Variants in NEB observed in about 807,000 individuals in gnomAD.
The protein encoded by NEB is nebulin, also known as nemaline myopathy type 2.
Under a neutral mutation model 952.2 loss-of-function variants are expected in NEB, and 512 were observed. The observed-to-expected ratio is 0.54, with a 90% CI of 0.50 to 0.58. The LOEUF is 0.58. NEB is among the 20% of genes least tolerant of loss of function. NEB has a pLI of 0.00. For synonymous variants in NEB, 2,900 were observed against 3,149.8 expected (o/e 0.92, Z 2.66); for missense variants, 8,428 against 9,231.1 (o/e 0.91, Z 3.56).
At chr2:151,512,100 G>A (rs566608554) in intron 161 of NEB, among the ~76,000 whole-genome samples, 4 of 141,758 alleles carry the variant, frequency 2.8e-5, no homozygotes, top group Non-Finnish European at 6.0e-5. Context: ...GCGTGATCTC[G>A]GCTCACTGCA....
At chr2:151,659,228 ATAC>A in intron 46 of NEB, 59 bp from the exon 47 acceptor site, 3 of 1,003,056 alleles carry the variant, frequency 3.0e-6, no homozygotes, top group Non-Finnish European at 4.7e-6. Context: ...CACTTAGTAC[ATAC>A]ATATCATTGT....
intron 105 of NEB, among the ~76,000 whole-genome samples, chr2:151,578,126 C>A (rs1000183094): frequency 2.6e-5 from 4 of 152,094 alleles, no homozygotes; most frequent in African/African-American, 9.7e-5. Flanking sequence ...CTTAAGGGAA[C>A]CAAGGTCAGA....
intron 8 of NEB, 75 bp downstream of exon 8, chr2:151,724,185 G>A (rs2099783785): frequency 4.4e-6 from 5 of 1,131,194 alleles, no homozygotes; most frequent in South Asian, 1.4e-5. Flanking sequence ...ATGATCAAGA[G>A]TTCACCAAGT....
chr2:151,627,160 C>T lies in NEB; in HGVS notation c.10189G>A (p.Val3397Ile). The T allele has an allele frequency of 6.2e-7, 1 of 1,613,914 alleles. No individual in the cohort carries two copies. The highest frequency in any genetic ancestry group is 8.5e-7 in the Non-Finnish European group (1 of 1,179,856). ...ACCACATCCATAGACCCAATGGGGA[C>T]CCAGCCAATGCCTCTCAGCCACTGG... ...DLQWLRGIGW[V>I]PIGSMDVVKC... is the part of the protein sequence containing the mutation. The change falls in exon 70 of 182, where the codon GTC becomes ATC. Residue 3397 changes from valine (V) to isoleucine (I), a missense_variant. Around this residue, in one of 11 missense-constraint regions of NEB, gnomAD observed 1,772 missense variants for 1,960.3 expected, o/e 0.90. Coordinates refer to ENST00000397345, the MANE Select transcript of NEB (RefSeq NM_001164508.2).
intron 27 of NEB, among the ~76,000 whole-genome samples, chr2:151,685,536 G>A (rs1347434614): frequency 1.3e-5 from 2 of 152,016 alleles, no homozygotes; most frequent in Admixed American, 6.6e-5. Flanking sequence ...TTCAATTGGG[G>A]CAACAATTTA....
intron 54 of NEB, among the ~76,000 whole-genome samples, chr2:151,647,013 A>C (rs921029152): frequency 6.6e-6 from 1 of 152,140 alleles, no homozygotes; most frequent in Non-Finnish European, 1.5e-5. Flanking sequence ...TTGGGGGGGA[A>C]TTTATCAAGA....
chr2:151,725,881 T>C (rs998506572), intron 5 of NEB, among the ~76,000 whole-genome samples: 3 of 152,096 alleles, frequency 2.0e-5, no homozygotes, highest in African/African-American at 7.2e-5. Context: ...TTTTAGAAAA[T>C]AAATATAGAA....
chr2:151,510,949 C>T (rs1471762508), intron 161 of NEB, among the ~76,000 whole-genome samples: 2 of 152,226 alleles, frequency 1.3e-5, no homozygotes, highest in Admixed American at 1.3e-4. Context: ...GAAACACAAG[C>T]ACCATCTCAC....
At chr2:151,618,555 G>A (rs1260769797) in intron 73 of NEB, 77 bp from the exon 74 acceptor site, 4 of 1,368,972 alleles carry the variant, frequency 2.9e-6, no homozygotes, top group Admixed American at 2.2e-5. Flanking sequence ...TTATCCTAGA[G>A]AAACACAAAA....
In NEB at chr2:151,548,371, A is replaced by T; in HGVS notation, c.20094T>A (p.Tyr6698Ter). The change falls in exon 131 of 182, where the codon TAT (tyrosine) becomes TAA (stop). Residue 6698 changes from tyrosine to a stop codon, truncating the protein, a stop_gained. Transcript: ENST00000397345. LOFTEE classifies it high-confidence loss of function. ...EAYEHTKAYG[Y>*]TLGPKDVPFV... ...ATGGAACATCTTTGGGGCCAAGTGT[A>T]TACCCATATGCCTTGGTGTGTTCAT... 6.2e-7 allele frequency: 1 copy of T among 1,613,816 alleles called. No individual in the cohort carries two copies. Among genetic ancestry groups the T allele is most frequent in the Non-Finnish European group, 8.5e-7 (1 of 1,179,738 alleles).
rs141131711 is a variant in NEB, at chr2:151,622,394, T to C, written c.10453-1368A>G. Among the ~76,000 whole-genome samples, 572 of 152,354 alleles carry C rather than the reference T, an allele frequency of 3.8e-3. 4 individuals carry two copies. Among genetic ancestry groups the C allele is most frequent in the African/African-American group, 0.013 (538 of 41,586 alleles). On this transcript the variant is annotated intron_variant, in intron 71 of 181. Transcript: ENST00000397345. ...TTATTTAAAAAATGAAATCTTTATATTATCACACTTAGTCAAATATTTTAA... is the reference window on the plus strand; with the variant it reads ...TTATTTAAAAAATGAAATCTTTATACTATCACACTTAGTCAAATATTTTAA...
chr2:151,679,044 G>T (rs1306205301), intron 32 of NEB, among the ~76,000 whole-genome samples: 1 of 152,148 alleles, frequency 6.6e-6, no homozygotes, highest in African/African-American at 2.4e-5. Flanking sequence ...CCCGCAGGAG[G>T]AGGGCGCAGA....
Position 151,566,970 on chromosome 2 carries a change from CA to C in NEB, c.18156+197del, listed in dbSNP as rs1436034501. On this transcript the variant is annotated intron_variant, in intron 114 of 181. Coordinates refer to ENST00000397345, the MANE Select transcript of NEB (RefSeq NM_001164508.2). ...TAAAAAAATTTGATTGAAAGTTACT[CA>C]GAAATGCAGTCAGTAGGCAAACCAA... is the stretch of plus-strand genomic sequence containing the variant. Among the ~76,000 whole-genome samples the C allele has an allele frequency of 2.6e-5, 4 of 152,236 alleles. No homozygotes were observed. The East Asian group carries it at 7.7e-4, about 29-fold the overall frequency.
At chr2:151,507,096 T>A in intron 162 of NEB, 83 bp from the exon 163 acceptor site, 1 of 848,214 alleles carries the variant, frequency 1.2e-6, no homozygotes, top group Non-Finnish European at 1.9e-6. Flanking sequence ...TGAAGAAAAT[T>A]AAAATCCTGT....
chr2:151,568,544 A>G (rs1339712171), intron 111 of NEB, 74 bp downstream of exon 111: 7 of 1,430,608 alleles, frequency 4.9e-6, no homozygotes, highest in Non-Finnish European at 5.8e-6. Flanking sequence ...TTGCATTCTG[A>G]GTGTAAGTAG....
intron 107 of NEB, among the ~76,000 whole-genome samples, chr2:151,574,965 C>T (rs2096780177): frequency 2.6e-5 from 4 of 152,100 alleles, no homozygotes; most frequent in Admixed American, 6.5e-5. Flanking sequence ...GTCTTGAACT[C>T]CTGGGCTCAA....
chr2:151,533,675 G>A (rs946561259), intron 142 of NEB, 129 bp from the exon 143 acceptor site: 12 of 615,052 alleles, frequency 2.0e-5, no homozygotes, highest in South Asian at 6.3e-5. Context: ...ACATATGTGC[G>A]GGTGAAGACA....
At position 151,704,326 on chromosome 2, in the gene NEB, C is replaced by G. The variant is rs1221804793; in HGVS notation, c.1152+2555G>C. Among the ~76,000 whole-genome samples the G allele has an allele frequency of 2.6e-3, 352 of 136,952 alleles. 1 individual carries two copies. Among genetic ancestry groups the G allele is most frequent in the African/African-American group, 8.9e-3 (325 of 36,444 alleles). 89.8% of individuals were successfully genotyped at this position (136,952 alleles called of 152,430 possible). A position where few individuals can be genotyped will look rare whatever the true frequency, so the allele number is the denominator to read the frequency against. On this transcript the variant is annotated intron_variant, in intron 13 of 181. Transcript: ENST00000397345. Reference sequence around the variant, plus strand: ...TGCTGTCTTTTTGTTTGTCTGTGCCCTGCCCCCAGAGGTGGAGCCTACAGA... The same window carrying G: ...TGCTGTCTTTTTGTTTGTCTGTGCCGTGCCCCCAGAGGTGGAGCCTACAGA...
At position 151,547,758 on chromosome 2, in the gene NEB, A is replaced by G; in HGVS notation, c.20158-20T>C. ...CAGTCTCTACGTTGGAGGAAATATC[A>G]TTACAGGCATTTAGTAGGGGACGAC... is the stretch of plus-strand genomic sequence containing the variant. On this transcript the variant is annotated intron_variant, in intron 131 of 181. Transcript: ENST00000397345. 2 of 1,578,598 alleles carry G rather than the reference A, an allele frequency of 1.3e-6. No individual in the cohort carries two copies. The highest frequency in any genetic ancestry group is 1.7e-6 in the Non-Finnish European group (2 of 1,150,880).
Sources: gnomAD v4.1 joint callset for allele counts (sites outside exome capture counted in the v4.1 genomes callset) on GRCh38, gnomAD v4.1.1 for gene constraint, gnomAD v4.1.1 regional missense constraint, MANE v1.5 for transcripts, NCBI Gene and HGNC (gene_info 2026-07-23, HGNC 2026-07-21) for gene names.